FRAS1: variants seen among roughly 807,000 people sequenced by gnomAD.
FRAS1 encodes the protein Fraser extracellular matrix complex subunit 1.
In FRAS1, 290 loss-of-function variants were observed where a neutral mutation model predicts 435.2. The ratio of observed to expected loss-of-function variants is 0.67; its 90% CI spans 0.61 to 0.73. The LOEUF is 0.73. Ranked by LOEUF, FRAS1 falls within the 30% of genes least tolerant of loss-of-function variation. FRAS1 has a pLI of 0.00. For missense variants in FRAS1, 4,860 were observed against 5,001.5 expected, an observed-to-expected ratio of 0.97 and a Z score of 0.85; for synonymous variants, 1,800 against 1,851.0, an observed-to-expected ratio of 0.97 and a Z score of 0.71.
intron 48 of FRAS1, 33 bp downstream of exon 48, chr4:78,464,178 G>A (rs773084523): frequency 1.9e-6 from 3 of 1,587,110 alleles, no homozygotes; most frequent in Admixed American, 1.8e-5. Context: ...TCCTTGAAAA[G>A]TATTGATTCC....
chr4:78,440,410 G>C lies in FRAS1; in HGVS notation c.5530-752G>C, dbSNP rs377602301. ...CATAAAACCTTGGAAAAGCCATTTG[G>C]ACTGTCCCCATTCCCAGAGTCAGAG... is the stretch of plus-strand genomic sequence containing the variant. On this transcript the variant is annotated intron_variant, in intron 40 of 73. Coordinates refer to ENST00000512123, the MANE Select transcript of FRAS1 (RefSeq NM_025074.7). 5.9e-5 allele frequency among the ~76,000 whole-genome samples: 9 copies of C among 152,194 alleles called. No individual in the cohort carries two copies. In the East Asian group the frequency reaches 1.7e-3, roughly 29 times the overall value.
chr4:78,330,767 T>C (rs184638949), intron 18 of FRAS1, among the ~76,000 whole-genome samples: 1 of 152,242 alleles, frequency 6.6e-6, no homozygotes, highest in Non-Finnish European at 1.5e-5. Flanking sequence ...ATGTTATCAA[T>C]GACAATGGTG....
At chr4:78,231,598 G>T (rs1415038409) in intron 2 of FRAS1, among the ~76,000 whole-genome samples, 2 of 151,996 alleles carry the variant, frequency 1.3e-5, no homozygotes, top group Admixed American at 1.3e-4. Context: ...AATAATTAAA[G>T]TAGGGTTATT....
intron 2 of FRAS1, among the ~76,000 whole-genome samples, chr4:78,153,731 C>A (rs1226630483): frequency 6.6e-6 from 1 of 152,088 alleles, no homozygotes; most frequent in Non-Finnish European, 1.5e-5. Flanking sequence ...GTATCTTTTG[C>A]CTTTTGGCTA....
chr4:78,267,762 C>A (rs1227047743), intron 9 of FRAS1, among the ~76,000 whole-genome samples: 1 of 152,208 alleles, frequency 6.6e-6, no homozygotes, highest in African/African-American at 2.4e-5. Flanking sequence ...TGATGGCCTG[C>A]CCAGTTCTCC....
intron 38 of FRAS1, among the ~76,000 whole-genome samples, chr4:78,437,490 A>G (rs1273813455): frequency 1.3e-5 from 2 of 152,218 alleles, no homozygotes; most frequent in Non-Finnish European, 2.9e-5. Context: ...CTTTCTTGCT[A>G]GTGTCAAGTG....
intron 2 of FRAS1, among the ~76,000 whole-genome samples, chr4:78,202,567 T>C (rs10004360): frequency 0.26 from 40,080 of 152,054 alleles, 6,218 homozygotes; most frequent in Non-Finnish European, 0.34. Flanking sequence ...GGTACACGCT[T>C]CTAATCCCAG....
At chr4:78,079,520 T>C (rs1466041823) in intron 2 of FRAS1, among the ~76,000 whole-genome samples, 3 of 152,190 alleles carry the variant, frequency 2.0e-5, no homozygotes, top group Non-Finnish European at 4.4e-5. Context: ...AAGTCTGTAA[T>C]GTTCTGCTCC....
chr4:78,193,849 G>A (rs1276824516), intron 2 of FRAS1, among the ~76,000 whole-genome samples: 1 of 152,168 alleles, frequency 6.6e-6, no homozygotes, highest in Non-Finnish European at 1.5e-5. Context: ...GTTAGTTGAT[G>A]CAGTTTCTTC....
At position 78,057,554 on chromosome 4, in the gene FRAS1, C is replaced by A. The variant is rs151119346; in HGVS notation, c.-456C>A. The A allele has an allele frequency of 5.2e-4, 83 of 158,340 alleles. No individual in the cohort carries two copies. Among genetic ancestry groups the A allele is most frequent in the East Asian group, 3.3e-3 (18 of 5,508 alleles). 9.8% of individuals were successfully genotyped at this position (158,340 alleles called of 1,614,324 possible). ...ACCCGCGGTGCCGACGCAACGCCGACGTATGGTGCCAAGCGAACTTTAAAA... is the reference window on the plus strand; with the variant it reads ...ACCCGCGGTGCCGACGCAACGCCGAAGTATGGTGCCAAGCGAACTTTAAAA... On this transcript the variant is annotated 5_prime_UTR_variant, in exon 1 of 74. Transcript: ENST00000512123. The surrounding 1 kb of genome is among the most constrained non-coding windows in gnomAD (Gnocchi z 4.2).
At position 78,091,057 on chromosome 4, in the gene FRAS1, G is replaced by T. The variant is rs901101352; in HGVS notation, c.108+25041G>T. ...CAGTTAAAGATTATTTTTGTGGGAG[G>T]CCGTTTGGCTGTCTGGGGTTCAAAT... is the stretch of plus-strand genomic sequence containing the variant. On this transcript the variant is annotated intron_variant, in intron 2 of 73. Transcript: ENST00000512123. 5.9e-5 allele frequency among the ~76,000 whole-genome samples: 9 copies of T among 152,180 alleles called. 1 individual carries two copies. Among genetic ancestry groups the T allele is most frequent in the African/African-American group, 2.2e-4 (9 of 41,536 alleles).
At chr4:78,215,183 T>TTTATTATTA (rs147112471) in intron 2 of FRAS1, among the ~76,000 whole-genome samples, 19 of 148,900 alleles carry the variant, frequency 1.3e-4, no homozygotes, top group African/African-American at 4.7e-4. Flanking sequence ...ATTTACCATC[T>TTTATTATTA]TTATTATTAT....
intron 68 of FRAS1, 74 bp from the exon 69 acceptor site, chr4:78,522,575 G>A: frequency 7.9e-7 from 1 of 1,264,346 alleles, no homozygotes; most frequent in Non-Finnish European, 1.1e-6. Flanking sequence ...GGCTTTTGTG[G>A]GGCTCTACCA....
At position 78,466,469 on chromosome 4, in the gene FRAS1, G is replaced by A. The variant is rs190368915; in HGVS notation, c.7257+34G>A. 2.0e-6 allele frequency: 3 copies of A among 1,469,756 alleles called. No homozygotes were observed. In the African/African-American group the frequency reaches 4.1e-5, roughly 20 times the overall value. 91.0% of individuals were successfully genotyped at this position (1,469,756 alleles called of 1,614,324 possible). A position where few individuals can be genotyped will look rare whatever the true frequency, so the allele number is the denominator to read the frequency against. On this transcript the variant is annotated intron_variant, in intron 50 of 73. Coordinates refer to ENST00000512123, the MANE Select transcript of FRAS1 (RefSeq NM_025074.7). ...TGAGGACACTGGAGGAGGTAGCCTA[G>A]CACTGCATGGCAGAGGCAGAACATG...
In FRAS1 at chr4:78,536,995, G is replaced by T. The variant is rs1391565122; in HGVS notation, c.11093G>T (p.Gly3698Val). The T allele has an allele frequency of 6.2e-7, 1 of 1,613,106 alleles. No homozygotes were observed. Among genetic ancestry groups the T allele is most frequent in the Non-Finnish European group, 8.5e-7 (1 of 1,179,428 alleles). Residue 3698 changes from glycine to valine, a missense_variant and splice_region_variant, in exon 72 of 74, where the codon GGT becomes GTT. Transcript: ENST00000512123. ...EMDYKGAFSK[G>V]QILYGRVLWN... ...AATTAATACCTTTCAATCTTTTCAG[G>T]TCAAATCCTTTATGGCCGAGTACTT...
chr4:78,334,882 T>C (rs436034), intron 19 of FRAS1, among the ~76,000 whole-genome samples: 117,603 of 151,842 alleles, frequency 0.77, 46,581 homozygotes, highest in African/African-American at 0.93. Context: ...CCTTAGCCTC[T>C]CAAGTAGCTG....
At chr4:78,265,176 C>T in intron 7 of FRAS1, 68 bp downstream of exon 7, 2 of 994,568 alleles carry the variant, frequency 2.0e-6, no homozygotes, top group Non-Finnish European at 3.0e-6. Context: ...TCCACCCACT[C>T]CAGCCACCAT....
intron 30 of FRAS1, 118 bp downstream of exon 30, chr4:78,401,005 TAC>T: frequency 1.2e-6 from 1 of 831,750 alleles, no homozygotes; most frequent in Non-Finnish European, 1.8e-6. Flanking sequence ...TCTAATACCT[TAC>T]AAATCCCCTT....
At chr4:78,382,275 G>A (rs138971962) in intron 27 of FRAS1, among the ~76,000 whole-genome samples, 1 of 150,980 alleles carries the variant, frequency 6.6e-6, no homozygotes, top group East Asian at 1.9e-4. Context: ...AATAAAATAA[G>A]GCATTATTTA....
Sources: gnomAD v4.1 joint callset for allele counts (sites outside exome capture counted in the v4.1 genomes callset) on GRCh38, gnomAD v4.1.1 for gene constraint, Gnocchi (gnomAD v3.1) non-coding constraint, MANE v1.5 for transcripts, NCBI Gene and HGNC (gene_info 2026-07-23, HGNC 2026-07-21) for gene names.